Variants in CAST observed in about 807,000 individuals in gnomAD.
CAST encodes calpastatin, also known as MIR583 host.
A neutral mutation model predicts 119.6 loss-of-function variants in CAST; 76 were observed. The observed-to-expected ratio is 0.64, with a 90% CI of 0.53 to 0.77. The LOEUF is 0.77. CAST is among the 30% of genes least tolerant of loss of function. The probability of loss-of-function intolerance (pLI) is 0.00; values close to 1 mark genes in which losing one functional copy is unlikely to be tolerated. For synonymous variants in CAST, 319 were observed against 331.6 expected, an observed-to-expected ratio of 0.96 and a Z score of 0.41; for missense variants, 953 against 946.5, an observed-to-expected ratio of 1.01 and a Z score of -0.09.
the CAST span, among the ~76,000 whole-genome samples, chr5:96,126,245 T>C: frequency 6.6e-6 from 1 of 152,144 alleles, no homozygotes; most frequent in South Asian, 2.1e-4. Context: ...GGTTGCTCCG[T>C]ATGGGACTTC....
chr5:96,690,388 C>T (rs1453472852), intron 2 of CAST, among the ~76,000 whole-genome samples: 3 of 152,056 alleles, frequency 2.0e-5, no homozygotes, highest in Non-Finnish European at 4.4e-5. Flanking sequence ...TGCGCCATTA[C>T]ACCCAGCTAA....
chr5:96,343,334 G>A, the CAST span, among the ~76,000 whole-genome samples: 6,164 of 152,112 alleles, frequency 0.041, 426 homozygotes, highest in African/African-American at 0.14. Flanking sequence ...TGAGAAAGTA[G>A]GACAACTTAT....
the CAST span, among the ~76,000 whole-genome samples, chr5:96,238,654 C>T: frequency 6.6e-6 from 1 of 151,630 alleles, no homozygotes; most frequent in South Asian, 2.1e-4. Context: ...CCTGCCTTGG[C>T]CTGCCAAAGT....
At chr5:96,218,077 G>C in the CAST span, among the ~76,000 whole-genome samples, 2 of 152,020 alleles carry the variant, frequency 1.3e-5, no homozygotes, top group Non-Finnish European at 2.9e-5. Flanking sequence ...AAAAGTGACT[G>C]TTTGCTTTTT....
At chr5:96,446,347 T>C in the CAST span, among the ~76,000 whole-genome samples, 4 of 152,346 alleles carry the variant, frequency 2.6e-5, no homozygotes, top group East Asian at 7.7e-4. Flanking sequence ...CGCTCTACCA[T>C]TAACATGGCT....
chr5:96,535,659 C>T (rs1252175504), intron 1 of CAST, among the ~76,000 whole-genome samples: 4 of 150,418 alleles, frequency 2.7e-5, no homozygotes, highest in Admixed American at 6.6e-5. Flanking sequence ...CTGCAAGCTC[C>T]GCCTCCTGGG....
At chr5:96,286,331 G>A in the CAST span, among the ~76,000 whole-genome samples, 1 of 152,164 alleles carries the variant, frequency 6.6e-6, no homozygotes. Flanking sequence ...AAGCCTATTA[G>A]CGGAGACAAG....
At chr5:96,024,111 A>G in the CAST span, among the ~76,000 whole-genome samples, 1 of 152,214 alleles carries the variant, frequency 6.6e-6, no homozygotes, top group Non-Finnish European at 1.5e-5. Flanking sequence ...AGAAAAATTG[A>G]GCAGTGTTTG....
At chr5:96,268,630 A>G in the CAST span, among the ~76,000 whole-genome samples, 2 of 152,164 alleles carry the variant, frequency 1.3e-5, no homozygotes, top group African/African-American at 4.8e-5. Flanking sequence ...TAAAAGGCAC[A>G]GCATAGCTGA....
chr5:96,609,058 T>A (rs981946393), intron 1 of CAST, among the ~76,000 whole-genome samples: 1 of 152,208 alleles, frequency 6.6e-6, no homozygotes, highest in Admixed American at 6.5e-5. Flanking sequence ...TGCAAGGACA[T>A]CTACCCAGAA....
At chr5:96,234,340 A>G in the CAST span, among the ~76,000 whole-genome samples, 10 of 152,228 alleles carry the variant, frequency 6.6e-5, no homozygotes, top group African/African-American at 2.4e-4. Context: ...GAGATGCTTT[A>G]GATTTTACTC....
intron 1 of CAST, chr5:96,546,406 C>T (rs1746018830): frequency 1.3e-5 from 2 of 152,120 alleles, no homozygotes. Context: ...CCCAGTCAAC[C>T]TTATAGCTAG....
At chr5:96,601,014 A>G (rs921353999) in intron 1 of CAST, among the ~76,000 whole-genome samples, 22 of 151,026 alleles carry the variant, frequency 1.5e-4, no homozygotes, top group African/African-American at 4.1e-4. Context: ...CCTACCTCCC[A>G]TCTCCCCCTC....
the CAST span, chr5:96,408,241 G>A: frequency 6.2e-7 from 1 of 1,613,814 alleles, no homozygotes; most frequent in Non-Finnish European, 8.5e-7. Flanking sequence ...CAGGGCCAGA[G>A]CGAAGATGCC....
the CAST span, among the ~76,000 whole-genome samples, chr5:96,095,827 A>G: frequency 6.6e-6 from 1 of 152,176 alleles, no homozygotes; most frequent in Non-Finnish European, 1.5e-5. Context: ...ATTAAAAAAA[A>G]ATCCTTAAAG....
At chr5:96,675,825 A>C (rs1580923025) in intron 2 of CAST, 1 of 429,828 alleles carries the variant, frequency 2.3e-6, no homozygotes, top group East Asian at 3.6e-5. Context: ...TCCCTTTAGT[A>C]ATAGAACTTT....
At chr5:95,969,794 G>A in the CAST span, among the ~76,000 whole-genome samples, 1 of 152,216 alleles carries the variant, frequency 6.6e-6, no homozygotes, top group African/African-American at 2.4e-5. Context: ...AGCGGTATCA[G>A]TGGATTAAAT....
At chr5:96,026,451 G>A in the CAST span, among the ~76,000 whole-genome samples, 1 of 152,162 alleles carries the variant, frequency 6.6e-6, no homozygotes, top group South Asian at 2.1e-4. Context: ...ATATAAAAAG[G>A]AAATGATTTA....
the CAST span, among the ~76,000 whole-genome samples, chr5:96,004,631 T>C: frequency 6.6e-6 from 1 of 152,198 alleles, no homozygotes; most frequent in African/African-American, 2.4e-5. Flanking sequence ...CTCCAAAGTT[T>C]TAGGCCATAT....
Sources: gnomAD v4.1 joint callset for allele counts (sites outside exome capture counted in the v4.1 genomes callset) on GRCh38, gnomAD v4.1.1 for gene constraint, MANE v1.5 for transcripts, NCBI Gene and HGNC (gene_info 2026-07-23, HGNC 2026-07-21) for gene names.